The following ANLN variants were observed in gnomAD, a reference collection of about 807,000 sequenced individuals.
ANLN encodes the protein anillin.
In ANLN, 59 loss-of-function variants were observed where a neutral mutation model predicts 135.1. The ratio of observed to expected loss-of-function variants is 0.44; its 90% CI spans 0.35 to 0.54. The LOEUF is 0.54. Ranked by LOEUF, ANLN falls within the 20% of genes least tolerant of loss-of-function variation. ANLN has a pLI of 0.00. For missense variants in ANLN, 1,182 were observed against 1,340.0 expected (o/e 0.88, Z 1.84); for synonymous variants, 406 against 456.4 (o/e 0.89, Z 1.41).
rs759262331 is a variant in ANLN at position 36,389,945 on chromosome 7, GAC to G, written c.-77_-76del. On this transcript the variant is annotated 5_prime_UTR_variant, in exon 1 of 24. Transcript: ENST00000265748. ...CTCAGACTCCTGGTTTTTTCCAGGA[GAC>G]ACACTGAGCTGAGACTCACTTTTCT... is the stretch of plus-strand genomic sequence containing the variant. The G allele has an allele frequency of 6.1e-5, 98 of 1,613,174 alleles. 1 individual carries two copies. The African/African-American group carries it at 9.3e-4, about 15-fold the overall frequency.
At chr7:36,429,797 A>T (rs937427366) in intron 20 of ANLN, among the ~76,000 whole-genome samples, 1 of 152,190 alleles carries the variant, frequency 6.6e-6, no homozygotes, top group Admixed American at 6.5e-5. Flanking sequence ...TTCTTTTAAA[A>T]ACTTTTTTTG....
intron 3 of ANLN, among the ~76,000 whole-genome samples, chr7:36,400,425 T>G (rs972611870): frequency 6.6e-6 from 1 of 152,112 alleles, no homozygotes; most frequent in African/African-American, 2.4e-5. Flanking sequence ...AGCAGCACAG[T>G]CTTGGCTCAT....
intron 7 of ANLN, among the ~76,000 whole-genome samples, chr7:36,412,281 C>T (rs1787445588): frequency 6.8e-6 from 1 of 147,654 alleles, no homozygotes; most frequent in South Asian, 2.1e-4. Flanking sequence ...ACCCTCCAGT[C>T]CACCTTATCA....
chr7:36,444,644 T>G (rs1167611325), intron 22 of ANLN, among the ~76,000 whole-genome samples: 2 of 152,044 alleles, frequency 1.3e-5, no homozygotes, highest in African/African-American at 4.8e-5. Context: ...TTATTTATTA[T>G]CCCCAAACTG....
intron 20 of ANLN, among the ~76,000 whole-genome samples, chr7:36,438,878 G>A (rs1788654053): frequency 6.6e-6 from 1 of 152,140 alleles, no homozygotes; most frequent in African/African-American, 2.4e-5. Context: ...GAATTTACAG[G>A]TTGGTTTATC....
intron 4 of ANLN, 32 bp downstream of exon 4, chr7:36,406,598 C>T: frequency 2.7e-6 from 4 of 1,466,600 alleles, no homozygotes; most frequent in Non-Finnish European, 3.6e-6. Flanking sequence ...CTTTGGAAGC[C>T]TTTTCTTTTT....
At chr7:36,427,821 C>G (rs191578200) in intron 20 of ANLN, among the ~76,000 whole-genome samples, 1 of 152,270 alleles carries the variant, frequency 6.6e-6, no homozygotes, top group East Asian at 1.9e-4. Flanking sequence ...TCTGTGTTAA[C>G]ATCACTATTG....
At chr7:36,407,168 C>T (rs1370460924) in intron 4 of ANLN, among the ~76,000 whole-genome samples, 1 of 152,098 alleles carries the variant, frequency 6.6e-6, no homozygotes, top group African/African-American at 2.4e-5. Flanking sequence ...TGCATTGAAT[C>T]CCAGCTGTAC....
chr7:36,435,833 A>G (rs987461879), intron 20 of ANLN, among the ~76,000 whole-genome samples: 1 of 121,960 alleles, frequency 8.2e-6, no homozygotes, highest in Non-Finnish European at 1.6e-5. Flanking sequence ...AGATCGCGCC[A>G]CTGCACTCCA....
intron 21 of ANLN, among the ~76,000 whole-genome samples, chr7:36,441,963 A>T (rs2116790073): frequency 6.6e-6 from 1 of 152,292 alleles, no homozygotes; most frequent in East Asian, 1.9e-4. Flanking sequence ...TTAGGGGAGG[A>T]GGAAAAAGGT....
chr7:36,394,228 G>A (rs1321219920), intron 1 of ANLN, among the ~76,000 whole-genome samples: 1 of 152,168 alleles, frequency 6.6e-6, no homozygotes, highest in African/African-American at 2.4e-5. Flanking sequence ...TCTTCTGTCA[G>A]TCTTATGATC....
intron 20 of ANLN, 133 bp downstream of exon 20, chr7:36,427,161 T>C: frequency 1.7e-6 from 1 of 585,450 alleles, no homozygotes; most frequent in African/African-American, 1.9e-5. Context: ...GAATTGCACA[T>C]TTTTGCTAGG....
intron 20 of ANLN, 29 bp downstream of exon 20, chr7:36,427,057 G>T: frequency 1.4e-6 from 2 of 1,465,584 alleles, no homozygotes; most frequent in South Asian, 1.2e-5. Context: ...TAAGGGTGTG[G>T]TGTTTTTTTT....
At position 36,424,181 on chromosome 7, in the gene ANLN, T is replaced by C. The variant is rs75929594; in HGVS notation, c.2603+238T>C. On this transcript the variant is annotated intron_variant, in intron 15 of 23. Transcript: ENST00000265748. The stretch of plus-strand genomic sequence containing the variant: ...AGGTATTACATATTTTGAAATGATA[T>C]ATACATTAAACCTGGACCATAGATT... 1.4e-3 allele frequency among the ~76,000 whole-genome samples: 208 copies of C among 152,298 alleles called. 1 individual carries two copies. Among genetic ancestry groups the C allele is most frequent in the African/African-American group, 4.7e-3 (196 of 41,582 alleles).
In ANLN at chr7:36,423,890, T is replaced by C; in HGVS notation, c.2550T>C (p.Ser850=). Residue 850 remains serine, a synonymous_variant, in exon 15 of 24, where the codon AGT becomes AGC. Transcript: ENST00000265748. ...ATATGGTAGCCACACCATTAGCAAG[T>C]ACTTCAAACTCTCTTAACGGTGATG... ...AENMVATPLA[S]TSNSLNGDAL... is the part of the protein sequence containing the mutation. 6.2e-7 allele frequency: 1 copy of C among 1,612,800 alleles called. No homozygotes were observed. Among genetic ancestry groups the C allele is most frequent in the Non-Finnish European group, 8.5e-7 (1 of 1,179,262 alleles).
At chr7:36,443,233 G>A (rs935941783) in intron 21 of ANLN, among the ~76,000 whole-genome samples, 1 of 152,168 alleles carries the variant, frequency 6.6e-6, no homozygotes, top group Non-Finnish European at 1.5e-5. Context: ...AGTGGGCTTG[G>A]AGTTTTGATG....
At chr7:36,397,409 G>T (rs1282213325) in intron 2 of ANLN, among the ~76,000 whole-genome samples, 1 of 152,104 alleles carries the variant, frequency 6.6e-6, no homozygotes, top group Non-Finnish European at 1.5e-5. Context: ...ACTTCTTTAG[G>T]TAGAAGTTCA....
chr7:36,431,468 T>C (rs1788302471), intron 20 of ANLN, among the ~76,000 whole-genome samples: 1 of 151,288 alleles, frequency 6.6e-6, no homozygotes, highest in Non-Finnish European at 1.5e-5. Context: ...ACTTCCATCT[T>C]CCTTTCTATC....
At chr7:36,451,392 G>A (rs1428572879) in intron 23 of ANLN, among the ~76,000 whole-genome samples, 1 of 152,220 alleles carries the variant, frequency 6.6e-6, no homozygotes, top group African/African-American at 2.4e-5. Context: ...GAGCTTTGAA[G>A]TCAACGGACT....
Sources: gnomAD v4.1 joint callset for allele counts (sites outside exome capture counted in the v4.1 genomes callset) on GRCh38, gnomAD v4.1.1 for gene constraint, MANE v1.5 for transcripts, NCBI Gene and HGNC (gene_info 2026-07-23, HGNC 2026-07-21) for gene names.